Variants in UBE3D observed in about 807,000 individuals in gnomAD.
The protein encoded by UBE3D is ubiquitin protein ligase E3D.
A neutral mutation model predicts 49.6 loss-of-function variants in UBE3D; 48 were observed. The ratio of observed to expected loss-of-function variants is 0.97; its 90% CI spans 0.77 to 1.23. The LOEUF (loss-of-function observed/expected upper bound fraction) is 1.23, where lower values mean the gene tolerates loss of function less well. UBE3D is among the 50% of genes most tolerant of loss of function. The pLI is 0.00. For missense variants in UBE3D, 452 were observed against 468.4 expected, an observed-to-expected ratio of 0.96 and a Z score of 0.32; for synonymous variants, 189 against 174.2, an observed-to-expected ratio of 1.08 and a Z score of -0.67.
intron 1 of UBE3D, 114 bp downstream of exon 1, chr6:83,065,528 G>A (rs1471360260): frequency 2.3e-5 from 23 of 979,100 alleles, no homozygotes; most frequent in Non-Finnish European, 3.2e-5. Context: ...GAGGCTCTAC[G>A]CAACTGGAAA....
chr6:82,911,757 T>C (rs1215736741), intron 9 of UBE3D, among the ~76,000 whole-genome samples: 1 of 152,180 alleles, frequency 6.6e-6, no homozygotes, highest in Non-Finnish European at 1.5e-5. Context: ...AAAGGGGATG[T>C]ACAGGATTAG....
chr6:82,976,881 G>A (rs534184264), intron 8 of UBE3D, among the ~76,000 whole-genome samples: 4 of 152,142 alleles, frequency 2.6e-5, no homozygotes, highest in South Asian at 2.1e-4. Flanking sequence ...TTGGGAGGCC[G>A]AGGCGGGCAG....
intron 8 of UBE3D, among the ~76,000 whole-genome samples, chr6:82,992,216 CTTTTTTTTTTT>C (rs386407755): frequency 3.1e-5 from 3 of 96,750 alleles, no homozygotes; most frequent in East Asian, 3.2e-4. Context: ...ATCTGCATTC[CTTTTTTTTTTT>C]TTTTTTTTTT....
intron 9 of UBE3D, among the ~76,000 whole-genome samples, chr6:82,909,104 G>A (rs1772317119): frequency 6.6e-6 from 1 of 152,208 alleles, no homozygotes; most frequent in Admixed American, 6.5e-5. Flanking sequence ...CTGTCCCACA[G>A]GTCACAGTAA....
chr6:82,890,641 C>T (rs1487391237), downstream of UBE3D, among the ~76,000 whole-genome samples: 2 of 152,194 alleles, frequency 1.3e-5, no homozygotes, highest in Non-Finnish European at 2.9e-5. Flanking sequence ...GTCATTCCAC[C>T]TCCACTCCCC....
At chr6:82,901,893 T>C (rs159055) in intron 9 of UBE3D, among the ~76,000 whole-genome samples, 60,981 of 152,062 alleles carry the variant, frequency 0.4, 16,056 homozygotes, top group African/African-American at 0.74. Context: ...CTGAAGGGGC[T>C]AATATCTCAA....
At chr6:82,903,152 G>C (rs75757626) in intron 9 of UBE3D, among the ~76,000 whole-genome samples, 1 of 151,940 alleles carries the variant, frequency 6.6e-6, no homozygotes, top group Non-Finnish European at 1.5e-5. Flanking sequence ...AATGATGCAC[G>C]CATTCTTTTT....
chr6:82,888,048 G>T (rs560455757), downstream of UBE3D, among the ~76,000 whole-genome samples: 4 of 152,124 alleles, frequency 2.6e-5, no homozygotes, highest in East Asian at 7.7e-4. Flanking sequence ...CTGGTTTCCA[G>T]TGAAAAAAGA....
intron 8 of UBE3D, among the ~76,000 whole-genome samples, chr6:82,979,690 T>C (rs979913726): frequency 4.3e-4 from 65 of 152,170 alleles, no homozygotes; most frequent in African/African-American, 1.5e-3. Context: ...AGGTTTTTAG[T>C]GTATTCATCA....
intron 8 of UBE3D, among the ~76,000 whole-genome samples, chr6:83,004,299 AC>A (rs1241692405): frequency 1.3e-5 from 2 of 152,160 alleles, no homozygotes; most frequent in African/African-American, 4.8e-5. Context: ...TGGCCTTTTC[AC>A]ATCTCCTAAT....
At chr6:83,062,548 G>C (rs1784236253) in intron 1 of UBE3D, among the ~76,000 whole-genome samples, 1 of 152,034 alleles carries the variant, frequency 6.6e-6, no homozygotes, top group South Asian at 2.1e-4. Context: ...CCAAACCATA[G>C]CAGTTAGGAA....
intron 4 of UBE3D, among the ~76,000 whole-genome samples, chr6:83,039,628 GT>G (rs1038743384): frequency 7.5e-5 from 11 of 147,544 alleles, no homozygotes; most frequent in African/African-American, 2.6e-4. Context: ...ACTGTGTTTT[GT>G]TTTTTTTTGT....
Position 83,044,634 on chromosome 6 carries a change from G to A in UBE3D, c.391C>T (p.Pro131Ser). 6.2e-6 allele frequency: 10 copies of A among 1,614,040 alleles called. No individual in the cohort carries two copies. Among genetic ancestry groups the A allele is most frequent in the Non-Finnish European group, 8.5e-6 (10 of 1,179,914 alleles). ...ACTAGAGCTCCCCAGTTCTCACTCGGCAGTGGGAGCACCCTGAGGAGCTTC... is the reference window on the plus strand; with the variant it reads ...ACTAGAGCTCCCCAGTTCTCACTCGACAGTGGGAGCACCCTGAGGAGCTTC... ...DRKLLRVLPLPSENWGALVGE... is the reference protein window; with the variant it reads ...DRKLLRVLPLSSENWGALVGE... The change falls in exon 4 of 10, where the codon CCG becomes TCG. Residue 131 changes from proline to serine, a missense_variant. Pro to Ser is a moderately conservative substitution (Grantham distance 74, BLOSUM62 -1). Transcript: ENST00000369747.
intron 8 of UBE3D, among the ~76,000 whole-genome samples, chr6:83,013,003 G>C (rs1780452319): frequency 6.6e-6 from 1 of 152,186 alleles, no homozygotes; most frequent in African/African-American, 2.4e-5. Context: ...GAGGCCACTG[G>C]TGTAGGCTGG....
At chr6:83,038,511 A>C in intron 4 of UBE3D, 26 bp from the exon 5 acceptor site, 1 of 1,576,086 alleles carries the variant, frequency 6.3e-7, no homozygotes, top group Non-Finnish European at 8.7e-7. Flanking sequence ...ATGTCATTTA[A>C]ATGTCATTCA....
At position 82,991,621 on chromosome 6, in the gene UBE3D, C is replaced by T. The variant is rs1286372496; in HGVS notation, c.1010+27352G>A. ...CACAGCTTAAGTGTAAATCCTCCTC[C>T]TCCAAATTCTGGCAGGAAGATCTTA... On this transcript the variant is annotated intron_variant, in intron 8 of 9. Transcript: ENST00000369747. Among the ~76,000 whole-genome samples, 4 of 152,138 alleles carry T rather than the reference C, an allele frequency of 2.6e-5. No individual in the cohort carries two copies. The East Asian group carries it at 7.7e-4, about 29-fold the overall frequency.
intron 8 of UBE3D, among the ~76,000 whole-genome samples, chr6:82,987,411 G>T (rs1253408231): frequency 1.3e-5 from 2 of 152,134 alleles, no homozygotes; most frequent in African/African-American, 4.8e-5. Flanking sequence ...CCCAAAAAAA[G>T]ATGGTTTTAC....
intron 8 of UBE3D, among the ~76,000 whole-genome samples, chr6:82,974,409 A>G (rs1360508441): frequency 1.3e-5 from 2 of 152,196 alleles, no homozygotes; most frequent in Non-Finnish European, 2.9e-5. Context: ...CTACACCCTT[A>G]AAATGGTGTA....
At chr6:83,008,938 C>T (rs1780166969) in intron 8 of UBE3D, among the ~76,000 whole-genome samples, 1 of 152,062 alleles carries the variant, frequency 6.6e-6, no homozygotes, top group African/African-American at 2.4e-5. Context: ...AGTAACCAAA[C>T]TAATTTATTA....
Sources: gnomAD v4.1 joint callset for allele counts (sites outside exome capture counted in the v4.1 genomes callset) on GRCh38, gnomAD v4.1.1 for gene constraint, MANE v1.5 for transcripts, NCBI Gene and HGNC (gene_info 2026-07-23, HGNC 2026-07-21) for gene names.